The following GRID1 variants were observed in gnomAD, a reference collection of about 807,000 sequenced individuals.
GRID1 encodes glutamate ionotropic receptor delta type subunit 1, also known as glutamate receptor ionotropic, delta-1.
In GRID1, 28 loss-of-function variants were observed where a neutral mutation model predicts 98.0. That is an observed-to-expected ratio of 0.29 (90% CI 0.21 to 0.39). The LOEUF is 0.39. GRID1 is among the 10% of genes least tolerant of loss of function. GRID1 has a pLI of 1.00. For synonymous variants in GRID1, 553 were observed against 538.5 expected (o/e 1.03, Z -0.37); for missense variants, 1,111 against 1,340.5 (o/e 0.83, Z 2.67).
intron 2 of GRID1, among the ~76,000 whole-genome samples, chr10:86,217,393 G>A (rs948842000): frequency 2.6e-5 from 4 of 152,306 alleles, no homozygotes; most frequent in Admixed American, 6.5e-5. Flanking sequence ...TTAGAATAAC[G>A]TTTGTTACAT....
chr10:85,675,175 AG>A (rs1841130656), intron 12 of GRID1, among the ~76,000 whole-genome samples: 1 of 152,206 alleles, frequency 6.6e-6, no homozygotes, highest in South Asian at 2.1e-4. Context: ...ATACTCTTGG[AG>A]GGTCTAGAAG....
chr10:85,980,727 A>G (rs544355458), intron 4 of GRID1, among the ~76,000 whole-genome samples: 2 of 152,300 alleles, frequency 1.3e-5, no homozygotes, highest in Admixed American at 1.3e-4. Flanking sequence ...AGAAACAGGG[A>G]TGTGTCTCCT....
intron 8 of GRID1, among the ~76,000 whole-genome samples, chr10:85,741,745 A>G (rs761395217): frequency 4.6e-5 from 7 of 151,964 alleles, no homozygotes; most frequent in South Asian, 2.1e-4. Context: ...CCTCCTTTTC[A>G]TGGCCTGTAA....
chr10:86,152,471 T>G (rs920092396), intron 3 of GRID1, among the ~76,000 whole-genome samples: 7 of 152,228 alleles, frequency 4.6e-5, no homozygotes, highest in African/African-American at 1.4e-4. Context: ...GAGTGAGCCC[T>G]GAAGCCCCGC....
rs939755026 is a variant in GRID1 at position 86,206,277 on chromosome 10, G to A, written c.520+87C>T. ...ACTCAGCACAGACCACCCCTGACCG[G>A]TCCAGGGCCCCACCCACTCTCAGGT... On this transcript the variant is annotated intron_variant, in intron 3 of 15. Coordinates refer to ENST00000327946, the MANE Select transcript of GRID1 (RefSeq NM_017551.3). This position sits in a 1 kb window ranked among gnomAD's most constrained non-coding sequence, Gnocchi z 4.1. The A allele has an allele frequency of 2.2e-6, 3 of 1,362,818 alleles. No homozygotes were observed. Among genetic ancestry groups the A allele is most frequent in the Non-Finnish European group, 3.0e-6 (3 of 993,140 alleles). 84.4% of individuals were successfully genotyped at this position (1,362,818 alleles called of 1,614,324 possible). A position where few individuals can be genotyped will look rare whatever the true frequency, so the allele number is the denominator to read the frequency against.
chr10:86,096,065 G>A (rs1043594507), intron 4 of GRID1, among the ~76,000 whole-genome samples: 1 of 152,168 alleles, frequency 6.6e-6, no homozygotes. Context: ...GATGAGACTG[G>A]AGACTATTAT....
intron 8 of GRID1, among the ~76,000 whole-genome samples, chr10:85,801,809 GA>G (rs1045330581): frequency 6.6e-6 from 1 of 151,494 alleles, no homozygotes; most frequent in African/African-American, 2.4e-5. Flanking sequence ...CAATTATAGG[GA>G]AAAAAACCTA....
rs575143916 is a variant in GRID1 at position 85,817,754 on chromosome 10, T to C, written c.1233+36742A>G. Among the ~76,000 whole-genome samples, 4 of 150,922 alleles carry C rather than the reference T, an allele frequency of 2.7e-5. No individual in the cohort carries two copies. In the South Asian group the frequency reaches 8.4e-4, roughly 32 times the overall value. ...TAAAAATACAAAAATTAGCCAGGAG[T>C]GTGGCATGTGCCTGTAATCCCAGCT... is the stretch of plus-strand genomic sequence containing the variant. On this transcript the variant is annotated intron_variant, in intron 8 of 15. Transcript: ENST00000327946.
At chr10:86,147,845 T>C (rs1463146681) in intron 3 of GRID1, among the ~76,000 whole-genome samples, 1 of 152,136 alleles carries the variant, frequency 6.6e-6, no homozygotes, top group African/African-American at 2.4e-5. Context: ...TCAGGGCCAC[T>C]ATATACTTGT....
chr10:86,295,387 C>G (rs930626246), intron 2 of GRID1, among the ~76,000 whole-genome samples: 1 of 152,166 alleles, frequency 6.6e-6, no homozygotes, highest in Non-Finnish European at 1.5e-5. Context: ...AAGGGCGTCT[C>G]AGACAGGACA....
At chr10:86,104,431 G>T (rs1195009910) in intron 4 of GRID1, among the ~76,000 whole-genome samples, 3 of 152,168 alleles carry the variant, frequency 2.0e-5, no homozygotes, top group Non-Finnish European at 4.4e-5. Context: ...CACTTGCTTA[G>T]CCAGGGCATA....
intron 3 of GRID1, among the ~76,000 whole-genome samples, chr10:86,183,339 A>ATTATTTATTTATTTAT (rs58071795): frequency 6.7e-6 from 1 of 149,644 alleles, no homozygotes; most frequent in Admixed American, 6.7e-5. Flanking sequence ...ATATACCACA[A>ATTATTTATTTATTTAT]TTATTTATTT....
intron 4 of GRID1, among the ~76,000 whole-genome samples, chr10:85,917,364 T>C (rs1841635521): frequency 1.3e-5 from 2 of 152,064 alleles, no homozygotes; most frequent in Admixed American, 6.5e-5. Context: ...AAAAAAAATA[T>C]GCTGACATAG....
intron 5 of GRID1, among the ~76,000 whole-genome samples, chr10:85,876,676 G>A (rs138052541): frequency 6.6e-6 from 1 of 152,224 alleles, no homozygotes; most frequent in Non-Finnish European, 1.5e-5. Context: ...CCCAGCGTGA[G>A]TGACACAGAA....
intron 2 of GRID1, among the ~76,000 whole-genome samples, chr10:86,295,777 G>A (rs914801030): frequency 5.9e-5 from 9 of 152,090 alleles, no homozygotes; most frequent in Admixed American, 1.3e-4. Context: ...GACATTCTAC[G>A]GACACTCAAC....
rs759690418 is a variant in GRID1 at position 85,854,626 on chromosome 10, G to T, written c.1114-11C>A. ...GCCAGTGATGTGGCCCTGCAGAAGA[G>T]GAGAAAAACCCATTGGAAAATCTGG... On this transcript the variant is annotated splice_polypyrimidine_tract_variant and intron_variant, in intron 7 of 15. Transcript: ENST00000327946. 2.5e-6 allele frequency: 4 copies of T among 1,613,878 alleles called. No individual in the cohort carries two copies. The South Asian group carries it at 4.4e-5, about 18-fold the overall frequency.
At chr10:85,817,259 G>A (rs1842724297) in intron 8 of GRID1, among the ~76,000 whole-genome samples, 2 of 152,160 alleles carry the variant, frequency 1.3e-5, no homozygotes, top group South Asian at 4.1e-4. Flanking sequence ...TCTGTTTTAA[G>A]TTCTATGCCT....
intron 2 of GRID1, among the ~76,000 whole-genome samples, chr10:86,265,454 A>C (rs538922491): frequency 6.6e-6 from 1 of 152,364 alleles, no homozygotes; most frequent in African/African-American, 2.4e-5. Context: ...ACAGATGAGG[A>C]CACTGAGGCT....
chr10:85,623,813 C>T (rs1192047040), intron 13 of GRID1, among the ~76,000 whole-genome samples: 1 of 152,162 alleles, frequency 6.6e-6, no homozygotes, highest in East Asian at 1.9e-4. Flanking sequence ...AAGCATTTGT[C>T]ATTTCCTATT....
Sources: allele counts gnomAD v4.1 joint callset (sites outside exome capture counted in the v4.1 genomes callset), GRCh38; gene constraint gnomAD v4.1.1; non-coding constraint Gnocchi (gnomAD v3.1); transcripts MANE v1.5; gene names NCBI Gene and HGNC (gene_info 2026-07-23, HGNC 2026-07-21).